Variants in SGCD observed in about 807,000 individuals in gnomAD.
The protein encoded by SGCD is delta-sarcoglycan.
In SGCD, 18 loss-of-function variants were observed where a neutral mutation model predicts 36.6. The observed-to-expected ratio is 0.49, with a 90% CI of 0.34 to 0.73. The LOEUF is 0.73. Ranked by LOEUF, SGCD falls within the 30% of genes least tolerant of loss-of-function variation. The pLI, the probability that SGCD is intolerant of heterozygous loss-of-function variation, is 0.01. For missense variants in SGCD, 387 were observed against 346.7 expected (o/e 1.12, Z -0.92); for synonymous variants, 133 against 130.6 (o/e 1.02, Z -0.12).
chr5:155,924,044 A>G (rs978248453), intron 1 of SGCD, among the ~76,000 whole-genome samples: 1 of 151,952 alleles, frequency 6.6e-6, no homozygotes, highest in Non-Finnish European at 1.5e-5. Context: ...GTAGATGATG[A>G]ATACAGTGCT....
At chr5:155,915,094 A>G (rs746621941) in intron 1 of SGCD, among the ~76,000 whole-genome samples, 3 of 152,150 alleles carry the variant, frequency 2.0e-5, no homozygotes, top group South Asian at 2.1e-4. Context: ...AATAGCTTCA[A>G]TTCTGTTGGG....
intron 4 of SGCD, among the ~76,000 whole-genome samples, chr5:156,516,821 A>G (rs930491335): frequency 1.3e-5 from 2 of 152,072 alleles, no homozygotes; most frequent in African/African-American, 4.8e-5. Context: ...ACGTGATGAA[A>G]CCCTGCCTCT....
At chr5:155,840,734 G>C in the SGCD span, among the ~76,000 whole-genome samples, 2 of 151,688 alleles carry the variant, frequency 1.3e-5, no homozygotes, top group East Asian at 4.0e-4. Context: ...GACACAGGCC[G>C]GGAGTGGTGG....
At chr5:156,618,651 A>C (rs900110409) in intron 6 of SGCD, among the ~76,000 whole-genome samples, 3 of 150,474 alleles carry the variant, frequency 2.0e-5, no homozygotes, top group Non-Finnish European at 4.4e-5. Context: ...ACTGCCTAGT[A>C]GCGCGCATTC....
At chr5:156,414,672 G>A (rs1054674424) in intron 3 of SGCD, among the ~76,000 whole-genome samples, 4 of 152,170 alleles carry the variant, frequency 2.6e-5, no homozygotes, top group Non-Finnish European at 4.4e-5. Flanking sequence ...AAAAACAGGC[G>A]GTGGGCTCAC....
At chr5:156,091,613 C>G (rs1013763890) in intron 1 of SGCD, among the ~76,000 whole-genome samples, 12 of 152,174 alleles carry the variant, frequency 7.9e-5, no homozygotes, top group African/African-American at 7.2e-5. Flanking sequence ...ATAGACTGCA[C>G]TAAAGATTTC....
chr5:156,695,382 C>A (rs1754268604), intron 7 of SGCD, among the ~76,000 whole-genome samples: 1 of 152,062 alleles, frequency 6.6e-6, no homozygotes, highest in South Asian at 2.1e-4. Flanking sequence ...CAAAAACTGC[C>A]TTCCAAATTG....
chr5:156,241,417 T>A (rs1765303345), intron 3 of SGCD, among the ~76,000 whole-genome samples: 1 of 152,194 alleles, frequency 6.6e-6, no homozygotes, highest in Admixed American at 6.5e-5. Context: ...TTAAGTTAGA[T>A]CACAAATTTC....
intron 2 of SGCD, among the ~76,000 whole-genome samples, chr5:156,332,771 A>G (rs1356722536): frequency 2.6e-5 from 4 of 152,178 alleles, no homozygotes; most frequent in Non-Finnish European, 4.4e-5. Flanking sequence ...AATGTGATAG[A>G]TATCAGAATA....
At chr5:156,553,782 T>C (rs1215866624) in intron 4 of SGCD, among the ~76,000 whole-genome samples, 1 of 152,202 alleles carries the variant, frequency 6.6e-6, no homozygotes, top group African/African-American at 2.4e-5. Flanking sequence ...GGGGCCTATA[T>C]CTGTACTTCA....
the SGCD span, among the ~76,000 whole-genome samples, chr5:155,850,670 A>G: frequency 0.12 from 18,656 of 152,126 alleles, 2,405 homozygotes; most frequent in African/African-American, 0.32. Flanking sequence ...GGTTGGTGGG[A>G]TAGATGCAGC....
chr5:156,727,431 A>G (rs546172400), intron 7 of SGCD, among the ~76,000 whole-genome samples: 1 of 152,354 alleles, frequency 6.6e-6, no homozygotes, highest in Admixed American at 6.5e-5. Flanking sequence ...ATCTTTGTCA[A>G]TGGACAGCCA....
chr5:156,186,888 A>G lies in SGCD; in HGVS notation c.-44+62869A>G, dbSNP rs569246235. ...ATAGCTCTGCCTTTTACTCATCCAA[A>G]GTTTTCCCAAGTCAATGGCCTTTAC... is the stretch of plus-strand genomic sequence containing the variant. On this transcript the variant is annotated intron_variant, in intron 3 of 9. Coordinates refer to the SGCD transcript ENST00000517913. Among the ~76,000 whole-genome samples, 12 of 152,236 alleles carry G rather than the reference A, an allele frequency of 7.9e-5. No individual in the cohort carries two copies. The South Asian group carries it at 2.5e-3, about 32-fold the overall frequency.
At chr5:156,263,860 A>G (rs190760246) in intron 3 of SGCD, among the ~76,000 whole-genome samples, 23 of 152,004 alleles carry the variant, frequency 1.5e-4, no homozygotes, top group Middle Eastern at 3.4e-3. Flanking sequence ...TCCTTTTTCC[A>G]CTTTAAGTTT....
chr5:156,757,736 G>C (rs773195873), intron 8 of SGCD, 32 bp downstream of exon 8: 4 of 1,590,244 alleles, frequency 2.5e-6, no homozygotes, highest in Non-Finnish European at 2.6e-6. Flanking sequence ...AGTTCAAAGA[G>C]CTACAGCTTC....
intron 6 of SGCD, among the ~76,000 whole-genome samples, chr5:156,642,479 T>TC: frequency 6.8e-6 from 1 of 146,582 alleles, no homozygotes; most frequent in East Asian, 2.0e-4. Flanking sequence ...TTTTTTTTTT[T>TC]TTTTTTCCAA....
chr5:156,289,782 TAG>T (rs1766709715), intron 3 of SGCD, among the ~76,000 whole-genome samples: 1 of 152,044 alleles, frequency 6.6e-6, no homozygotes, highest in South Asian at 2.1e-4. Flanking sequence ...GTCTCCTGAG[TAG>T]CCAGGATTAC....
At chr5:156,352,707 C>T (rs1769317121) in intron 3 of SGCD, among the ~76,000 whole-genome samples, 1 of 152,100 alleles carries the variant, frequency 6.6e-6, no homozygotes, top group Admixed American at 6.6e-5. Context: ...ACAGGATTAA[C>T]TTTATAAGGT....
chr5:156,748,100 T>A (rs1311189249), intron 7 of SGCD, among the ~76,000 whole-genome samples: 1 of 152,166 alleles, frequency 6.6e-6, no homozygotes, highest in Non-Finnish European at 1.5e-5. Context: ...CGGAAGAATC[T>A]CTAGTTTCAA....
Sources: gnomAD v4.1 joint callset for allele counts (sites outside exome capture counted in the v4.1 genomes callset) on GRCh38, gnomAD v4.1.1 for gene constraint, MANE v1.5 for transcripts, NCBI Gene and HGNC (gene_info 2026-07-23, HGNC 2026-07-21) for gene names.